The following AQP7 variants were observed in gnomAD, a reference collection of about 807,000 sequenced individuals.
AQP7 encodes aquaporin 7.
AQP7 carries 22 observed loss-of-function variants against 26.1 expected under a neutral mutation model. That is an observed-to-expected ratio of 0.84 (90% CI 0.60 to 1.20). The LOEUF is 1.20. AQP7 is among the 50% of genes most tolerant of loss of function. AQP7 has a pLI of 0.00. For missense variants in AQP7, 412 were observed against 457.5 expected (o/e 0.90, Z 0.91); for synonymous variants, 167 against 181.7 (o/e 0.92, Z 0.65).
In AQP7 at chr9:33,385,079, C is replaced by T. The variant is rs796349423; in HGVS notation, c.955G>A (p.Val319Met). ...PTISPLTPVS[V>M]SPANRSSVHP... is the part of the protein sequence containing the mutation. ...ACTGAAGATCTGTTGGCAGGGCTCA[C>T]AGAGACGGGGGTGAGGGGAGAGATC... Residue 319 changes from valine (V) to methionine (M), a missense_variant, in exon 8 of 8, where the codon GTG (valine) becomes ATG (methionine). Val to Met is a conservative substitution (Grantham distance 21). Transcript: ENST00000297988. 2 of 1,611,958 alleles carry T rather than the reference C, an allele frequency of 1.2e-6. No homozygotes were observed. Among genetic ancestry groups the T allele is most frequent in the Admixed American group, 1.7e-5 (1 of 60,020 alleles).
At position 33,384,831 on chromosome 9, in the gene AQP7, A is replaced by G. The variant is rs1295223582; in HGVS notation, c.*174T>C. The G allele has an allele frequency of 2.2e-5, 16 of 722,062 alleles. No homozygotes were observed. In the East Asian group the frequency reaches 4.1e-4, roughly 19 times the overall value. The allele number at this position is 722,062 out of a possible 1,614,324, so 44.7% of individuals were successfully genotyped here. ...CCTGGGGCACCCCAGTTCCCAGGGC[A>G]TGAAAGACTTGAGGTGCCTCACCTC... On this transcript the variant is annotated 3_prime_UTR_variant, in exon 8 of 8. Transcript: ENST00000297988.
intron 2 of AQP7, among the ~76,000 whole-genome samples, chr9:33,399,731 G>A (rs1199704888): frequency 1.3e-5 from 2 of 152,258 alleles, no homozygotes; most frequent in African/African-American, 4.8e-5. Flanking sequence ...AACAACACCA[G>A]AGAGAAGCAG....
chr9:33,394,486 CTT>C lies in AQP7; in HGVS notation c.144+590_144+591del, dbSNP rs56966031. On this transcript the variant is annotated intron_variant, in intron 3 of 7. Coordinates refer to ENST00000297988, the MANE Select transcript of AQP7 (RefSeq NM_001170.3). Reference sequence around the variant, plus strand: ...AAGTTTCTCTTCAATCTCTCTCTCTCTTTTTTTTTTTTTTTCTTTTTTTTTTT... The same window carrying C: ...AAGTTTCTCTTCAATCTCTCTCTCTCTTTTTTTTTTTTTCTTTTTTTTTTT... 5.6e-3 allele frequency among the ~76,000 whole-genome samples: 649 copies of C among 115,076 alleles called. 4 individuals are homozygous for C. The highest frequency in any genetic ancestry group is 8.9e-3 in the Middle Eastern group (2 of 224). The allele number at this position is 115,076 out of a possible 152,430, so 75.5% of individuals were successfully genotyped here. A position where few individuals can be genotyped will look rare whatever the true frequency, so the allele number is the denominator to read the frequency against.
Position 33,386,533 on chromosome 9 carries a change from T to C in AQP7, c.277A>G (p.Met93Val), listed in dbSNP as rs762210355. 1 of 1,611,886 alleles carries C rather than the reference T, an allele frequency of 6.2e-7. No individual in the cohort carries two copies. The highest frequency in any genetic ancestry group is 1.1e-5 in the South Asian group (1 of 90,518). Reference protein sequence around the residue: ...HVAGRISGAHMNAAVTFANCA... With the variant: ...HVAGRISGAHVNAAVTFANCA... The stretch of plus-strand genomic sequence containing the variant: ...TTAGCAAAGGTCACAGCTGCGTTCA[T>C]GTGGGCTCCTGCGGGCAGCAGGCAA... The change falls in exon 5 of 8, where the codon ATG (methionine) becomes GTG (valine). Residue 93 changes from methionine to valine, a missense_variant. Met to Val is a conservative substitution (Grantham distance 21, BLOSUM62 1). Transcript: ENST00000297988.
At chr9:33,385,931 C>T (rs79189510) in intron 6 of AQP7, 65 bp from the exon 7 acceptor site, 10 of 1,563,984 alleles carry the variant, frequency 6.4e-6, no homozygotes, top group South Asian at 1.2e-5. Context: ...CTCGGCAGTG[C>T]CCCAGACCCA....
Position 33,386,487 on chromosome 9 carries a change from G to T in AQP7, c.323C>A (p.Pro108His). ...CACATAGACCGGAAACTTCCTCCAGGGCACGCGGCCCAGCGCACAGTTAGC... is the reference window on the plus strand; with the variant it reads ...CACATAGACCGGAAACTTCCTCCAGTGCACGCGGCCCAGCGCACAGTTAGC... Reference protein sequence around the residue: ...TFANCALGRVPWRKFPVYVLG... With the variant: ...TFANCALGRVHWRKFPVYVLG... Residue 108 changes from proline to histidine, a missense_variant, in exon 5 of 8, where the codon CCC becomes CAC. Pro to His is a moderately conservative substitution (Grantham distance 77). Coordinates refer to ENST00000297988, the MANE Select transcript of AQP7 (RefSeq NM_001170.3). The T allele has an allele frequency of 6.2e-7, 1 of 1,612,590 alleles. No individual in the cohort carries two copies. The highest frequency in any genetic ancestry group is 2.2e-5 in the East Asian group (1 of 44,834).
intron 2 of AQP7, among the ~76,000 whole-genome samples, chr9:33,400,806 G>GA (rs777079951): frequency 0.015 from 2,113 of 141,158 alleles, 40 homozygotes; most frequent in African/African-American, 0.046. Context: ...TTCCATCTCG[G>GA]AAAAAAAAAA....
At position 33,395,136 on chromosome 9, in the gene AQP7, A is replaced by G. The variant is rs192851993; in HGVS notation, c.86T>C (p.Leu29Pro). 42 of 1,613,838 alleles carry G rather than the reference A, an allele frequency of 2.6e-5. No homozygotes were observed. In the African/African-American group the frequency reaches 4.4e-4, roughly 17 times the overall value. Residue 29 changes from leucine (L) to proline (P), a missense_variant, in exon 3 of 8, where the codon CTG becomes CCG. Physicochemically the swap from Leu to Pro is moderately conservative, Grantham distance 98 (BLOSUM62 -3). Transcript: ENST00000297988. Reference protein sequence around the residue: ...WSVIAKIQEILQRKMVREFLA... With the variant: ...WSVIAKIQEIPQRKMVREFLA... ...GAACTCTCGCACCATCTTCCTCTGCAGTATTTCCTGGATCTTTGCTATCAC... is the reference window on the plus strand; with the variant it reads ...GAACTCTCGCACCATCTTCCTCTGCGGTATTTCCTGGATCTTTGCTATCAC...
At chr9:33,391,005 G>C (rs1193411363) in intron 3 of AQP7, among the ~76,000 whole-genome samples, 1 of 152,170 alleles carries the variant, frequency 6.6e-6, no homozygotes, top group Non-Finnish European at 1.5e-5. Context: ...CAGCTACTCA[G>C]GAGGCTGAGG....
At chr9:33,398,504 C>G (rs1587149393) in intron 2 of AQP7, among the ~76,000 whole-genome samples, 1 of 152,192 alleles carries the variant, frequency 6.6e-6, no homozygotes, top group East Asian at 1.9e-4. Context: ...GATGGCAGCG[C>G]CAATGGCCAA....
At position 33,386,849 on chromosome 9, in the gene AQP7, G is replaced by A. The variant is rs530569585; in HGVS notation, c.268+120C>T. The A allele has an allele frequency of 7.5e-5, 108 of 1,447,324 alleles. 1 individual carries two copies. In the South Asian group the frequency reaches 8.9e-4, roughly 12 times the overall value. 89.7% of individuals were successfully genotyped at this position (1,447,324 alleles called of 1,614,324 possible). A position where few individuals can be genotyped will look rare whatever the true frequency, so the allele number is the denominator to read the frequency against. On this transcript the variant is annotated intron_variant, in intron 4 of 7. Transcript: ENST00000297988. The stretch of plus-strand genomic sequence containing the variant: ...CGGGGTTCAGAGGAGACTTCCTCCC[G>A]CCCGGTGGCCAGGCTGAGGCACTGG...
intron 2 of AQP7, among the ~76,000 whole-genome samples, chr9:33,397,576 T>A (rs995808182): frequency 3.3e-5 from 5 of 152,140 alleles, no homozygotes; most frequent in Non-Finnish European, 7.4e-5. Context: ...GGGTGAGCTA[T>A]GAACAGAGGG....
chr9:33,391,403 C>T (rs62544566), intron 3 of AQP7: 5 of 227,758 alleles, frequency 2.2e-5, no homozygotes, highest in South Asian at 5.0e-5. Flanking sequence ...CCTGAGTTGC[C>T]GCTCTCTTGG....
In AQP7 at chr9:33,390,922, C is replaced by T. The variant is rs543700382; in HGVS notation, c.145-3830G>A. Reference sequence around the variant, plus strand: ...GTCAGGAGTTCGAGACCTGCCTGGCCGACATGGTGAAACCCCGTCTCTACT... The same window carrying T: ...GTCAGGAGTTCGAGACCTGCCTGGCTGACATGGTGAAACCCCGTCTCTACT... On this transcript the variant is annotated intron_variant, in intron 3 of 7. Coordinates refer to ENST00000297988, the MANE Select transcript of AQP7 (RefSeq NM_001170.3). Among the ~76,000 whole-genome samples, 7 of 152,212 alleles carry T rather than the reference C, an allele frequency of 4.6e-5. No individual in the cohort carries two copies. The South Asian group carries it at 1.0e-3, about 23-fold the overall frequency.
At chr9:33,390,805 G>A (rs1323685903) in intron 3 of AQP7, among the ~76,000 whole-genome samples, 2 of 152,206 alleles carry the variant, frequency 1.3e-5, no homozygotes, top group African/African-American at 4.8e-5. Context: ...CCAATACCAT[G>A]TGCTAAAAAT....
At chr9:33,395,284 G>A (rs1825765352) in intron 2 of AQP7, 89 bp from the exon 3 acceptor site, 5 of 1,127,682 alleles carry the variant, frequency 4.4e-6, no homozygotes, top group Non-Finnish European at 6.6e-6. Context: ...TGAGTTAATA[G>A]GTAACCCAGC....
Position 33,402,406 on chromosome 9 carries a change from C to T in AQP7, c.-59G>A, listed in dbSNP as rs1407061924. ...AATGTCTCTGATTCTCAGCCTCCGC[C>T]TTGGGGGCTTCTCAGTTACAGCGCA... is the stretch of plus-strand genomic sequence containing the variant. On this transcript the variant is annotated 5_prime_UTR_variant, in exon 1 of 8. Transcript: ENST00000297988. 2.6e-5 allele frequency: 4 copies of T among 152,762 alleles called. 1 individual carries two copies. In the East Asian group the frequency reaches 7.7e-4, roughly 29 times the overall value. The allele number at this position is 152,762 out of a possible 1,614,324, so 9.5% of individuals were successfully genotyped here. A position where few individuals can be genotyped will look rare whatever the true frequency, so the allele number is the denominator to read the frequency against.
Position 33,386,230 on chromosome 9 carries a change from C to T in AQP7, c.407-35G>A, listed in dbSNP as rs200623736. ...CACAGACTGTCATGCGAACCTGCTC[C>T]CAACTAAGCCCCACCGGGGTCCCAG... On this transcript the variant is annotated intron_variant, in intron 5 of 7. Transcript: ENST00000297988. 10,868 of 1,612,688 alleles carry T rather than the reference C, an allele frequency of 6.7e-3. 59 individuals carry two copies. Among genetic ancestry groups the T allele is most frequent in the Non-Finnish European group, 7.9e-3 (9,324 of 1,178,802 alleles).
At chr9:33,398,821 G>C (rs970790068) in intron 2 of AQP7, among the ~76,000 whole-genome samples, 1 of 152,048 alleles carries the variant, frequency 6.6e-6, no homozygotes, top group Non-Finnish European at 1.5e-5. Flanking sequence ...GAGAGCTCAA[G>C]GAGAGGGTAC....
Sources: gnomAD v4.1 joint callset for allele counts (sites outside exome capture counted in the v4.1 genomes callset) on GRCh38, gnomAD v4.1.1 for gene constraint, MANE v1.5 for transcripts, NCBI Gene and HGNC (gene_info 2026-07-23, HGNC 2026-07-21) for gene names.